Variants in RBMS3 observed in about 807,000 individuals in gnomAD.
RBMS3 encodes the protein RNA binding motif single stranded interacting protein 3.
A neutral mutation model predicts 66.8 loss-of-function variants in RBMS3; 27 were observed. The observed-to-expected ratio is 0.40, with a 90% CI of 0.30 to 0.56. The LOEUF (loss-of-function observed/expected upper bound fraction) is 0.56. Among genes scored for constraint, RBMS3 ranks in the 20% least tolerant of loss-of-function variants. The probability of loss-of-function intolerance (pLI) is 0.40; values close to 1 mark genes in which losing one functional copy is unlikely to be tolerated. For synonymous variants in RBMS3, 188 were observed against 183.0 expected, an observed-to-expected ratio of 1.03 and a Z score of -0.22; for missense variants, 513 against 549.5, an observed-to-expected ratio of 0.93 and a Z score of 0.66.
intron 4 of RBMS3, among the ~76,000 whole-genome samples, chr3:29,639,810 C>T (rs1294156773): frequency 6.6e-6 from 1 of 151,648 alleles, no homozygotes; most frequent in East Asian, 1.9e-4. Context: ...CCTGGTTTTT[C>T]TTGGAAGAAG....
rs113443404 is a variant in RBMS3, at chr3:30,004,933, CA to C, written c.*1082del. On this transcript the variant is annotated 3_prime_UTR_variant, in exon 15 of 15. Transcript: ENST00000383767. ...GATAGGAGCTTATGGTCAAAAAGTG[CA>C]AAAAAAAAAACAAAAAAAAAGCAAT... The C allele has an allele frequency of 0.058, 5,103 of 88,638 alleles. 143 individuals are homozygous for C. Among genetic ancestry groups the C allele is most frequent in the African/African-American group, 0.12 (3,188 of 26,080 alleles). 5.5% of individuals were successfully genotyped at this position (88,638 alleles called of 1,614,324 possible).
chr3:29,460,244 G>A (rs1014215363), intron 2 of RBMS3, among the ~76,000 whole-genome samples: 6 of 152,178 alleles, frequency 3.9e-5, no homozygotes, highest in Admixed American at 3.9e-4. Context: ...GTTTTTCAAA[G>A]TGCCAGTTGC....
intron 3 of RBMS3, among the ~76,000 whole-genome samples, chr3:29,548,371 G>A (rs1302607153): frequency 1.3e-5 from 2 of 151,054 alleles, no homozygotes; most frequent in African/African-American, 4.9e-5. Context: ...TCAAAGTTAC[G>A]ATGATCTATG....
At chr3:29,991,352 G>T in intron 14 of RBMS3, 143 bp downstream of exon 14, 1 of 1,415,228 alleles carries the variant, frequency 7.1e-7, no homozygotes, top group Non-Finnish European at 9.4e-7. Flanking sequence ...TGATTATGTG[G>T]GTTTGAAATT....
chr3:29,281,589 A>G lies in RBMS3; in HGVS notation c.-93A>G, dbSNP rs2031786678. ...CTCTGAAGCCTCATCAGTCACCGGGACTGTCAGGAATAGTGGTTTAAGAGG... is the reference window on the plus strand; with the variant it reads ...CTCTGAAGCCTCATCAGTCACCGGGGCTGTCAGGAATAGTGGTTTAAGAGG... On this transcript the variant is annotated 5_prime_UTR_variant, in exon 1 of 15. Coordinates refer to ENST00000383767, the MANE Select transcript of RBMS3 (RefSeq NM_001003793.3). The G allele has an allele frequency of 1.0e-6, 1 of 955,464 alleles. No individual in the cohort carries two copies. Among genetic ancestry groups the G allele is most frequent in the Non-Finnish European group, 1.7e-6 (1 of 593,454 alleles). The allele number at this position is 955,464 out of a possible 1,614,324, so 59.2% of individuals were successfully genotyped here.
chr3:29,378,068 A>AT (rs1288785916), intron 1 of RBMS3, among the ~76,000 whole-genome samples: 4 of 152,112 alleles, frequency 2.6e-5, no homozygotes, highest in African/African-American at 9.7e-5. Flanking sequence ...AACTACTGAG[A>AT]TTTTCTCTCT....
At chr3:29,732,161 T>G (rs1481211868) in intron 4 of RBMS3, among the ~76,000 whole-genome samples, 2 of 152,044 alleles carry the variant, frequency 1.3e-5, no homozygotes, top group Non-Finnish European at 2.9e-5. Flanking sequence ...TGTTGGCAGC[T>G]GGAGTCCTAG....
chr3:29,858,678 G>A (rs943787607), intron 6 of RBMS3, among the ~76,000 whole-genome samples: 3 of 152,234 alleles, frequency 2.0e-5, no homozygotes, highest in East Asian at 1.9e-4. Flanking sequence ...TTTATGTCCC[G>A]TCTACTTGAA....
intron 14 of RBMS3, among the ~76,000 whole-genome samples, chr3:29,995,363 TC>T (rs888551885): frequency 6.6e-6 from 1 of 152,084 alleles, no homozygotes; most frequent in African/African-American, 2.4e-5. Context: ...CAGGAGAACT[TC>T]CCCCATCTAG....
chr3:29,331,937 T>C (rs1280575445), intron 1 of RBMS3, among the ~76,000 whole-genome samples: 1 of 150,190 alleles, frequency 6.7e-6, no homozygotes, highest in East Asian at 2.0e-4. Context: ...TGTCCAATTA[T>C]AGAATTTGTC....
chr3:29,914,214 A>G (rs185147462), intron 10 of RBMS3, among the ~76,000 whole-genome samples: 1 of 152,082 alleles, frequency 6.6e-6, no homozygotes, highest in Admixed American at 6.6e-5. Context: ...AAACTGACTC[A>G]GGAAATTTCA....
chr3:29,319,324 C>A (rs7428204), intron 1 of RBMS3, among the ~76,000 whole-genome samples: 1 of 151,964 alleles, frequency 6.6e-6, no homozygotes, highest in East Asian at 1.9e-4. Flanking sequence ...GGACTCATTT[C>A]TCTAAATGGA....
At chr3:29,861,350 G>A (rs1295717523) in intron 6 of RBMS3, among the ~76,000 whole-genome samples, 1 of 151,990 alleles carries the variant, frequency 6.6e-6, no homozygotes, top group Admixed American at 6.6e-5. Context: ...TGAAGATTTG[G>A]AACCTATCTG....
chr3:29,623,112 A>C (rs2048930715), intron 4 of RBMS3, among the ~76,000 whole-genome samples: 1 of 148,610 alleles, frequency 6.7e-6, no homozygotes, highest in African/African-American at 2.5e-5. Flanking sequence ...CTCAAAAAAA[A>C]AAAAAGGAGT....
At chr3:29,751,252 G>A (rs1289938847) in intron 5 of RBMS3, among the ~76,000 whole-genome samples, 1 of 152,124 alleles carries the variant, frequency 6.6e-6, no homozygotes, top group African/African-American at 2.4e-5. Flanking sequence ...TACTTTTAGT[G>A]TGTTATCAAT....
At chr3:29,911,854 G>A (rs1317660682) in intron 10 of RBMS3, among the ~76,000 whole-genome samples, 4 of 152,014 alleles carry the variant, frequency 2.6e-5, no homozygotes, top group Non-Finnish European at 4.4e-5. Flanking sequence ...TGCCATCTTA[G>A]ACTAGGACAT....
intron 6 of RBMS3, among the ~76,000 whole-genome samples, chr3:29,833,168 T>C (rs1238645614): frequency 6.6e-6 from 1 of 152,218 alleles, no homozygotes; most frequent in African/African-American, 2.4e-5. Flanking sequence ...TCAGAATCTC[T>C]GGCTGGGTTG....
At chr3:29,378,902 A>T (rs1168694278) in intron 1 of RBMS3, among the ~76,000 whole-genome samples, 2 of 152,232 alleles carry the variant, frequency 1.3e-5, no homozygotes, top group Non-Finnish European at 2.9e-5. Flanking sequence ...TATTTTCCAA[A>T]TAAGCTCAAT....
In RBMS3 at chr3:29,415,689, G is replaced by A. The variant is rs755199168; in HGVS notation, c.76-19054G>A. Among the ~76,000 whole-genome samples the A allele has an allele frequency of 4.6e-5, 7 of 152,114 alleles. No individual in the cohort carries two copies. In the East Asian group the frequency reaches 7.7e-4, roughly 17 times the overall value. ...GTGCTCTGAATAGAAATAGTAGAAC[G>A]GATGGAAAAGGCAGATGTGGGAGAC... On this transcript the variant is annotated intron_variant, in intron 1 of 14. Coordinates refer to ENST00000383767, the MANE Select transcript of RBMS3 (RefSeq NM_001003793.3).
Sources: allele counts gnomAD v4.1 joint callset (sites outside exome capture counted in the v4.1 genomes callset), GRCh38; gene constraint gnomAD v4.1.1; transcripts MANE v1.5; gene names NCBI Gene and HGNC (gene_info 2026-07-23, HGNC 2026-07-21).